Variants in LRMDA observed in about 807,000 individuals in gnomAD.
LRMDA encodes leucine-rich melanocyte differentiation-associated protein.
LRMDA carries 18 observed loss-of-function variants against 29.8 expected under a neutral mutation model. That is an observed-to-expected ratio of 0.60 (90% confidence interval 0.42 to 0.90). The LOEUF is 0.90. Ranked by LOEUF, LRMDA falls within the 40% of genes least tolerant of loss-of-function variation. The probability of loss-of-function intolerance (pLI) is 0.00; values close to 1 mark genes in which losing one functional copy is unlikely to be tolerated. For missense variants in LRMDA, 273 were observed against 273.9 expected (o/e 1.00, Z 0.02); for synonymous variants, 125 against 109.4 (o/e 1.14, Z -0.89).
At chr10:75,864,059 A>G (rs1448430982) in intron 2 of LRMDA, among the ~76,000 whole-genome samples, 1 of 152,214 alleles carries the variant, frequency 6.6e-6, no homozygotes, top group African/African-American at 2.4e-5. Flanking sequence ...TAGACAACTT[A>G]CAGCCTCAGG....
At chr10:75,986,599 T>G (rs951072750) in intron 2 of LRMDA, among the ~76,000 whole-genome samples, 7 of 152,244 alleles carry the variant, frequency 4.6e-5, no homozygotes, top group Non-Finnish European at 7.3e-5. Context: ...TTGAACATGG[T>G]TCATAAAACA....
chr10:75,769,055 C>T (rs1843205184), intron 2 of LRMDA, among the ~76,000 whole-genome samples: 1 of 152,138 alleles, frequency 6.6e-6, no homozygotes, highest in Non-Finnish European at 1.5e-5. Context: ...TGTACATGTC[C>T]TATGAAGCCT....
intron 5 of LRMDA, among the ~76,000 whole-genome samples, chr10:76,071,240 T>A (rs964265655): frequency 3.3e-5 from 5 of 152,206 alleles, no homozygotes; most frequent in African/African-American, 1.2e-4. Flanking sequence ...TTGTTACACA[T>A]GTCCAAAGAA....
rs185791011 is a variant in LRMDA, at chr10:76,507,574, T to G, written c.602-49635T>G. ...CTTACTCAAAAAATATTTGCTAAGA[T>G]TGTTATCCTAAAGTATTTCCTCATT... On this transcript the variant is annotated intron_variant, in intron 6 of 6. Coordinates refer to ENST00000611255, the MANE Select transcript of LRMDA (RefSeq NM_001305581.2). Among the ~76,000 whole-genome samples the G allele has an allele frequency of 4.1e-3, 624 of 152,254 alleles. 4 individuals are homozygous for G. The highest frequency in any genetic ancestry group is 6.6e-3 in the Non-Finnish European group (452 of 67,998).
At chr10:76,200,442 A>G (rs1851405285) in intron 5 of LRMDA, among the ~76,000 whole-genome samples, 1 of 152,204 alleles carries the variant, frequency 6.6e-6, no homozygotes, top group Non-Finnish European at 1.5e-5. Context: ...GTTCACAAAC[A>G]TAAAAGTTCT....
At chr10:75,544,588 TG>T (rs1840055099) in intron 2 of LRMDA, among the ~76,000 whole-genome samples, 1 of 152,196 alleles carries the variant, frequency 6.6e-6, no homozygotes, top group African/African-American at 2.4e-5. Flanking sequence ...GTCAAAGAGT[TG>T]GCCCTCCCCT....
intron 2 of LRMDA, among the ~76,000 whole-genome samples, chr10:75,882,206 G>A (rs1240511047): frequency 6.6e-6 from 1 of 152,194 alleles, no homozygotes; most frequent in African/African-American, 2.4e-5. Context: ...AGCAGGGTCA[G>A]TTAATGGAAG....
At chr10:76,053,561 C>G (rs935165489) in intron 4 of LRMDA, among the ~76,000 whole-genome samples, 2 of 152,156 alleles carry the variant, frequency 1.3e-5, no homozygotes, top group Non-Finnish European at 2.9e-5. Context: ...CTTTTGACAC[C>G]CTGACATGAC....
At chr10:75,887,151 A>G (rs1845404696) in intron 2 of LRMDA, among the ~76,000 whole-genome samples, 1 of 150,194 alleles carries the variant, frequency 6.7e-6, no homozygotes, top group African/African-American at 2.4e-5. Flanking sequence ...ATTTATACAT[A>G]AATGTAATAT....
intron 2 of LRMDA, among the ~76,000 whole-genome samples, chr10:75,630,000 C>A (rs553453694): frequency 6.6e-6 from 1 of 152,220 alleles, no homozygotes; most frequent in Non-Finnish European, 1.5e-5. Context: ...TTTATTAACA[C>A]CTACATTTTA....
chr10:75,798,141 C>T (rs187867778), intron 2 of LRMDA, among the ~76,000 whole-genome samples: 30 of 152,102 alleles, frequency 2.0e-4, no homozygotes, highest in Non-Finnish European at 4.0e-4. Context: ...AAATCCTTTG[C>T]CCCTTTTAAA....
At chr10:75,532,559 A>C (rs1845490065) in intron 2 of LRMDA, among the ~76,000 whole-genome samples, 1 of 152,148 alleles carries the variant, frequency 6.6e-6, no homozygotes, top group African/African-American at 2.4e-5. Flanking sequence ...TCAGGTGTGC[A>C]TGCTGGAGAG....
In LRMDA at chr10:75,621,224, A is replaced by ACACACC. The variant is rs1554816440; in HGVS notation, c.131+182731_131+182732insACACCC. 5.7e-3 allele frequency among the ~76,000 whole-genome samples: 815 copies of ACACACC among 143,276 alleles called. 2 individuals carry two copies. The highest frequency in any genetic ancestry group is 7.2e-3 in the Middle Eastern group (2 of 278). The allele number at this position is 143,276 out of a possible 152,430, so 94.0% of individuals were successfully genotyped here. On this transcript the variant is annotated intron_variant, in intron 2 of 6. Transcript: ENST00000611255. The stretch of plus-strand genomic sequence containing the variant: ...TACACACACACACACACACACACAC[A>ACACACC]CCCACACACCCACACACACACCACA...
intron 6 of LRMDA, among the ~76,000 whole-genome samples, chr10:76,375,129 A>G (rs144884280): frequency 5.2e-4 from 79 of 152,300 alleles, no homozygotes; most frequent in African/African-American, 1.8e-3. Context: ...GGATGCTAAA[A>G]AAAATGGGAT....
intron 2 of LRMDA, among the ~76,000 whole-genome samples, chr10:75,448,388 G>T (rs1409598960): frequency 1.3e-5 from 2 of 152,158 alleles, no homozygotes; most frequent in Non-Finnish European, 2.9e-5. Context: ...CCTGCTGTCT[G>T]TTCTGAGGAC....
chr10:75,462,080 A>T (rs1844592757), intron 2 of LRMDA, among the ~76,000 whole-genome samples: 1 of 152,264 alleles, frequency 6.6e-6, no homozygotes, highest in South Asian at 2.1e-4. Flanking sequence ...TCAGAATGAG[A>T]TGTTAGGAGC....
intron 5 of LRMDA, among the ~76,000 whole-genome samples, chr10:76,213,375 C>A (rs1471855221): frequency 6.6e-6 from 1 of 152,208 alleles, no homozygotes; most frequent in Non-Finnish European, 1.5e-5. Flanking sequence ...AAAATTAGAA[C>A]ATGTATCATT....
intron 2 of LRMDA, among the ~76,000 whole-genome samples, chr10:75,523,185 A>G (rs1317177785): frequency 6.6e-6 from 1 of 152,158 alleles, no homozygotes; most frequent in Non-Finnish European, 1.5e-5. Context: ...AGTACTGTCC[A>G]CATATAGGTT....
chr10:76,168,676 A>T (rs1850783308), intron 5 of LRMDA, among the ~76,000 whole-genome samples: 1 of 152,168 alleles, frequency 6.6e-6, no homozygotes, highest in African/African-American at 2.4e-5. Context: ...ATGAAAGGGG[A>T]TGATGAGTAG....
Sources: allele counts gnomAD v4.1 joint callset (sites outside exome capture counted in the v4.1 genomes callset), GRCh38; gene constraint gnomAD v4.1.1; transcripts MANE v1.5; gene names NCBI Gene and HGNC (gene_info 2026-07-23, HGNC 2026-07-21).